The following NETO1 variants were observed in gnomAD, a reference collection of about 807,000 sequenced individuals.
NETO1 encodes the protein neuropilin and tolloid like 1.
NETO1 carries 26 observed loss-of-function variants against 61.3 expected under a neutral mutation model. The ratio of observed to expected loss-of-function variants is 0.42; its 90% CI spans 0.31 to 0.59. The LOEUF (loss-of-function observed/expected upper bound fraction) is 0.59, where lower values mean the gene tolerates loss of function less well. Ranked by LOEUF, NETO1 falls within the 20% of genes least tolerant of loss-of-function variation. The pLI, the probability that NETO1 is intolerant of heterozygous loss-of-function variation, is 0.12. For missense variants in NETO1, 531 were observed against 662.8 expected (o/e 0.80, Z 2.18); for synonymous variants, 225 against 225.8 (o/e 1.00, Z 0.03).
chr18:72,807,673 C>T (rs1267241937), intron 4 of NETO1, among the ~76,000 whole-genome samples: 1 of 151,604 alleles, frequency 6.6e-6, no homozygotes, highest in Admixed American at 6.6e-5. Flanking sequence ...AAGAAATCAT[C>T]AGACGATCAA....
At chr18:72,793,803 G>A (rs375773138) in intron 6 of NETO1, among the ~76,000 whole-genome samples, 13 of 152,306 alleles carry the variant, frequency 8.5e-5, no homozygotes, top group African/African-American at 1.4e-4. Flanking sequence ...AAGAGCGTAA[G>A]TGTAGTTACA....
chr18:72,829,654 A>G (rs1437020020), intron 4 of NETO1, among the ~76,000 whole-genome samples: 1 of 152,214 alleles, frequency 6.6e-6, no homozygotes, highest in Admixed American at 6.5e-5. Context: ...CAAGCTAATT[A>G]GCTGCTCCTT....
intron 4 of NETO1, among the ~76,000 whole-genome samples, chr18:72,849,314 C>A (rs1271389625): frequency 6.6e-6 from 1 of 152,206 alleles, no homozygotes. Flanking sequence ...CCCTTTCCGT[C>A]GGTTTCCAAA....
At chr18:72,793,800 T>C (rs1299572454) in intron 6 of NETO1, among the ~76,000 whole-genome samples, 1 of 152,212 alleles carries the variant, frequency 6.6e-6, no homozygotes, top group African/African-American at 2.4e-5. Context: ...AATAAGAGCG[T>C]AAGTGTAGTT....
At chr18:72,778,751 T>C (rs1294422585) in intron 7 of NETO1, among the ~76,000 whole-genome samples, 1 of 152,178 alleles carries the variant, frequency 6.6e-6, no homozygotes, top group African/African-American at 2.4e-5. Context: ...CTCCTCCCCT[T>C]CTGAGCCCAG....
downstream of NETO1, among the ~76,000 whole-genome samples, chr18:72,743,527 G>C (rs77888244): frequency 4.6e-3 from 703 of 152,280 alleles, 7 homozygotes; most frequent in African/African-American, 0.016. Flanking sequence ...AGCTTTGCAT[G>C]ATGGCCAACA....
intron 8 of NETO1, chr18:72,752,117 C>G (rs771333240): frequency 6.6e-6 from 1 of 152,058 alleles, no homozygotes; most frequent in African/African-American, 2.4e-5. Context: ...AGCCATAAGA[C>G]GAACCTTAGA....
chr18:72,844,836 G>T (rs1437728836), intron 4 of NETO1, among the ~76,000 whole-genome samples: 2 of 152,198 alleles, frequency 1.3e-5, no homozygotes, highest in African/African-American at 2.4e-5. Context: ...TGATTGCAGT[G>T]CACTTCACAA....
chr18:72,808,451 GTGTGGAGT>G (rs2072754124), intron 4 of NETO1, among the ~76,000 whole-genome samples: 1 of 151,266 alleles, frequency 6.6e-6, no homozygotes, highest in South Asian at 2.1e-4. Flanking sequence ...GTGTGTGTGT[GTGTGGAGT>G]GTGTGTGTGG....
chr18:72,814,996 C>G (rs773837979), intron 4 of NETO1, among the ~76,000 whole-genome samples: 8 of 151,900 alleles, frequency 5.3e-5, no homozygotes, highest in African/African-American at 9.7e-5. Context: ...ACAAAAACAA[C>G]TTGTTTGGTG....
intron 4 of NETO1, among the ~76,000 whole-genome samples, chr18:72,833,160 AC>A (rs2073635293): frequency 6.6e-6 from 1 of 152,154 alleles, no homozygotes; most frequent in Non-Finnish European, 1.5e-5. Flanking sequence ...ACTGGAGGAA[AC>A]TTTGACGCAT....
chr18:72,867,284 T>C lies in NETO1; in HGVS notation c.8A>G (p.His3Arg), dbSNP rs144051079. The change falls in exon 1 of 11, where the codon CAT (histidine) becomes CGT (arginine). Residue 3 changes from histidine (H) to arginine (R), a missense_variant. Transcript: ENST00000327305. MI[H>R]GRSVLHIVAS... ...CTCACTGTGAAGCACGCTGCGCCCATGGATCATGTCTGTGCGTTACACCAG... is the reference window on the plus strand; with the variant it reads ...CTCACTGTGAAGCACGCTGCGCCCACGGATCATGTCTGTGCGTTACACCAG... 4 of 1,573,506 alleles carry C rather than the reference T, an allele frequency of 2.5e-6. No homozygotes were observed. In the African/African-American group the frequency reaches 4.2e-5, roughly 16 times the overall value.
At position 72,799,221 on chromosome 18, in the gene NETO1, T is replaced by C. The variant is rs141911580; in HGVS notation, c.470-4817A>G. On this transcript the variant is annotated intron_variant, in intron 4 of 10. Coordinates refer to ENST00000327305, the MANE Select transcript of NETO1 (RefSeq NM_138966.5). ...ACTTTCAGCTAGCACCATAACTAGA[T>C]GAACTGATGAAATGGCAGAAGATAC... 3.1e-3 allele frequency among the ~76,000 whole-genome samples: 474 copies of C among 152,236 alleles called. 3 individuals carry two copies. Among genetic ancestry groups the C allele is most frequent in the Middle Eastern group, 0.01 (3 of 294 alleles).
At chr18:72,787,403 G>A (rs942933675) in intron 6 of NETO1, among the ~76,000 whole-genome samples, 1 of 151,754 alleles carries the variant, frequency 6.6e-6, no homozygotes, top group African/African-American at 2.4e-5. Flanking sequence ...CTAAGCCCAC[G>A]GGATGAAAAA....
rs374522222 is a variant in NETO1, at chr18:72,744,307, G to A, written c.*3872C>T. The A allele has an allele frequency of 1.3e-5, 2 of 152,120 alleles. No individual in the cohort carries two copies. The highest frequency in any genetic ancestry group is 2.9e-5 in the Non-Finnish European group (2 of 68,020). The allele number at this position is 152,120 out of a possible 1,614,324, so 9.4% of individuals were successfully genotyped here. The stretch of plus-strand genomic sequence containing the variant: ...TTTATTAATAAAATGAATCATAATT[G>A]TAAATTAACAAAGGGCCTCAGATTT... On this transcript the variant is annotated 3_prime_UTR_variant, in exon 11 of 11. Transcript: ENST00000327305.
At position 72,859,069 on chromosome 18, in the gene NETO1, G is replaced by A; in HGVS notation, c.226C>T (p.Pro76Ser). ...RECIYIIEAA[P>S]RQCIELYFDE... The stretch of plus-strand genomic sequence containing the variant: ...AAGTAAAGTTCAATGCACTGTCTTG[G>A]AGCGGCTGTAAAGAAGAAAGATTGT... The change falls in exon 4 of 11, where the codon CCA becomes TCA. Residue 76 changes from proline (P) to serine (S), a missense_variant. Physicochemically the swap from Pro to Ser is moderately conservative, Grantham distance 74. Transcript: ENST00000327305. 6.3e-7 allele frequency: 1 copy of A among 1,594,792 alleles called. No individual in the cohort carries two copies. Among genetic ancestry groups the A allele is most frequent in the Non-Finnish European group, 8.5e-7 (1 of 1,171,800 alleles).
intron 6 of NETO1, among the ~76,000 whole-genome samples, chr18:72,786,307 T>C (rs1488881536): frequency 6.6e-6 from 1 of 152,184 alleles, no homozygotes; most frequent in East Asian, 1.9e-4. Flanking sequence ...TGTTGCAGAC[T>C]TGTAAGATGC....
At chr18:72,800,041 T>A (rs144456807) in intron 4 of NETO1, among the ~76,000 whole-genome samples, 337 of 152,294 alleles carry the variant, frequency 2.2e-3, no homozygotes, top group Middle Eastern at 0.01. Context: ...TTTCAAACAT[T>A]AGCAGAGATT....
At chr18:72,801,884 G>A (rs1469898763) in intron 4 of NETO1, among the ~76,000 whole-genome samples, 1 of 151,932 alleles carries the variant, frequency 6.6e-6, no homozygotes, top group Non-Finnish European at 1.5e-5. Context: ...TCTTAGAAAG[G>A]GGAGATGAAA....
Sources: gnomAD v4.1 joint callset for allele counts (sites outside exome capture counted in the v4.1 genomes callset) on GRCh38, gnomAD v4.1.1 for gene constraint, MANE v1.5 for transcripts, NCBI Gene and HGNC (gene_info 2026-07-23, HGNC 2026-07-21) for gene names.